The following SIPA1L3 variants were observed in gnomAD, a reference collection of about 807,000 sequenced individuals.
The protein encoded by SIPA1L3 is signal-induced proliferation-associated 1-like protein 3.
In SIPA1L3, 59 loss-of-function variants were observed where a neutral mutation model predicts 150.1. The ratio of observed to expected loss-of-function variants is 0.39; its 90% confidence interval spans 0.32 to 0.49. The LOEUF (loss-of-function observed/expected upper bound fraction) is 0.49. SIPA1L3 is among the 20% of genes least tolerant of loss of function. The pLI is 0.86. For synonymous variants in SIPA1L3, 1,070 were observed against 1,077.6 expected, an observed-to-expected ratio of 0.99 and a Z score of 0.14; for missense variants, 2,211 against 2,489.5, an observed-to-expected ratio of 0.89 and a Z score of 2.38.
At chr19:37,960,479 C>G (rs1207857683) in intron 1 of SIPA1L3, among the ~76,000 whole-genome samples, 1 of 151,384 alleles carries the variant, frequency 6.6e-6, no homozygotes, top group Non-Finnish European at 1.5e-5. Flanking sequence ...TCTTGGCTCA[C>G]TGCAAGCTCC....
chr19:38,101,098 A>G lies in SIPA1L3; in HGVS notation c.1901A>G (p.Gln634Arg). The G allele has an allele frequency of 1.2e-6, 2 of 1,602,294 alleles. No homozygotes were observed. The highest frequency in any genetic ancestry group is 1.7e-6 in the Non-Finnish European group (2 of 1,173,976). ...KVGILYCKAG[Q>R]SSEEEMYNNE... ...GGCATCCTCTATTGCAAGGCCGGCC[A>G]GAGCTCCGAGGAGGAGATGTACAAC... The change falls in exon 6 of 22, where the codon CAG (glutamine) becomes CGG (arginine). Residue 634 changes from glutamine (Q) to arginine (R), a missense_variant. Around this residue, in one of 5 missense-constraint regions of SIPA1L3, gnomAD observed 625 missense variants for 804.2 expected, o/e 0.78. Coordinates refer to ENST00000222345, the MANE Select transcript of SIPA1L3 (RefSeq NM_015073.3).
chr19:37,967,751 C>T (rs1470038052), intron 1 of SIPA1L3, among the ~76,000 whole-genome samples: 1 of 152,092 alleles, frequency 6.6e-6, no homozygotes, highest in Non-Finnish European at 1.5e-5. Flanking sequence ...GATAATTACC[C>T]ATGTACTAGG....
chr19:38,137,186 G>T (rs1971455069), intron 10 of SIPA1L3, among the ~76,000 whole-genome samples: 1 of 151,776 alleles, frequency 6.6e-6, no homozygotes, highest in African/African-American at 2.4e-5. Context: ...CTTCATTTTT[G>T]TTGTTGTTGT....
intron 1 of SIPA1L3, among the ~76,000 whole-genome samples, chr19:37,968,211 T>C (rs2046922968): frequency 6.6e-6 from 1 of 152,190 alleles, no homozygotes; most frequent in South Asian, 2.1e-4. Context: ...TAGCGGGGAT[T>C]ACAGGCACGC....
At chr19:37,976,104 TAAA>T (rs374630193) in intron 1 of SIPA1L3, among the ~76,000 whole-genome samples, 3 of 120,324 alleles carry the variant, frequency 2.5e-5, no homozygotes, top group East Asian at 5.0e-4. Context: ...GGCTCTGTCT[TAAA>T]AAAAAAAAAA....
intron 9 of SIPA1L3, among the ~76,000 whole-genome samples, chr19:38,128,995 G>C (rs1397408332): frequency 6.6e-6 from 1 of 152,226 alleles, no homozygotes; most frequent in African/African-American, 2.4e-5. Context: ...CTAGCCAGGG[G>C]ATGACTTCTC....
Position 38,130,823 on chromosome 19 carries a change from C to T in SIPA1L3, c.3143+51C>T, listed in dbSNP as rs777834228. ...GTGGTGGGTGGCAGCTCCCAGATCG[C>T]TGGCATGAGGCCTCCCTGGCACTGT... On this transcript the variant is annotated intron_variant, in intron 10 of 21. Coordinates refer to ENST00000222345, the MANE Select transcript of SIPA1L3 (RefSeq NM_015073.3). 1.9e-6 allele frequency: 3 copies of T among 1,554,392 alleles called. No homozygotes were observed. In the Admixed American group the frequency reaches 5.3e-5, roughly 28 times the overall value.
chr19:38,028,411 C>A (rs954176796), intron 1 of SIPA1L3, among the ~76,000 whole-genome samples: 12 of 152,142 alleles, frequency 7.9e-5, no homozygotes, highest in Admixed American at 7.2e-4. Context: ...CTGGAAGGCT[C>A]TTTCCCAGGT....
In SIPA1L3 at chr19:38,013,293, G is replaced by A. The variant is rs184533666; in HGVS notation, c.-378-15796G>A. On this transcript the variant is annotated intron_variant, in intron 1 of 21. Coordinates refer to ENST00000222345, the MANE Select transcript of SIPA1L3 (RefSeq NM_015073.3). ...TTTCAGCTCGTACCAGGTCCAAAAA[G>A]CAAAGAACGACCTGAAGGAGAAAAA... 9.7e-4 allele frequency among the ~76,000 whole-genome samples: 148 copies of A among 152,266 alleles called. 2 individuals carry two copies. The East Asian group carries it at 0.019, about 20-fold the overall frequency.
At chr19:38,123,795 G>T (rs1390257925) in intron 9 of SIPA1L3, among the ~76,000 whole-genome samples, 2 of 151,526 alleles carry the variant, frequency 1.3e-5, no homozygotes, top group African/African-American at 4.9e-5. Context: ...CTCCCAGACG[G>T]GGTGGCGGCC....
chr19:38,191,398 C>CA lies in SIPA1L3; in HGVS notation c.4431-733dup, dbSNP rs749460599. ...CTGGGCAACGGAGGAGGCTCTGTCT[C>CA]AAAAAAAAAAAAAACCAAAAAGCAA... On this transcript the variant is annotated intron_variant, in intron 16 of 21. Transcript: ENST00000222345. Among the ~76,000 whole-genome samples, 540 of 119,862 alleles carry CA rather than the reference C, an allele frequency of 4.5e-3. 4 individuals carry two copies. Among genetic ancestry groups the CA allele is most frequent in the Admixed American group, 7.4e-3 (84 of 11,406 alleles). 78.6% of individuals were successfully genotyped at this position (119,862 alleles called of 152,430 possible). A position where few individuals can be genotyped will look rare whatever the true frequency, so the allele number is the denominator to read the frequency against.
chr19:37,913,720 A>G (rs112144663), intron 1 of SIPA1L3, among the ~76,000 whole-genome samples: 1 of 142,158 alleles, frequency 7.0e-6, no homozygotes, highest in African/African-American at 2.6e-5. Flanking sequence ...TTTTTTTTTA[A>G]TTAAAAAAAA....
At chr19:38,138,534 T>C (rs1971488300) in intron 10 of SIPA1L3, among the ~76,000 whole-genome samples, 1 of 34,170 alleles carries the variant, frequency 2.9e-5, no homozygotes, top group African/African-American at 3.0e-4. Context: ...CTCTGTCCCT[T>C]GTTTACCTTT....
chr19:38,135,383 G>A (rs1452450473), intron 10 of SIPA1L3, among the ~76,000 whole-genome samples: 1 of 152,110 alleles, frequency 6.6e-6, no homozygotes, highest in Admixed American at 6.5e-5. Flanking sequence ...CCTGCCCGGA[G>A]CCACAGCCCA....
At chr19:38,032,113 T>A (rs1968666599) in intron 2 of SIPA1L3, among the ~76,000 whole-genome samples, 2 of 152,314 alleles carry the variant, frequency 1.3e-5, no homozygotes, top group South Asian at 4.1e-4. Context: ...TGATGGCAGT[T>A]TTTGTGTGCC....
chr19:38,012,171 C>T (rs1397543609), intron 1 of SIPA1L3, among the ~76,000 whole-genome samples: 3 of 151,574 alleles, frequency 2.0e-5, no homozygotes, highest in East Asian at 1.9e-4. Context: ...GCTGCAGCCT[C>T]GACCTTCCCG....
intron 8 of SIPA1L3, among the ~76,000 whole-genome samples, chr19:38,115,098 A>T (rs1307634791): frequency 1.3e-5 from 2 of 152,322 alleles, no homozygotes; most frequent in Non-Finnish European, 2.9e-5. Context: ...GCATCCAGGG[A>T]CTAGCCAGAG....
rs1270233173 is a variant in SIPA1L3, at chr19:38,164,318, A to G, written c.3781-161A>G. On this transcript the variant is annotated intron_variant, in intron 14 of 21. Coordinates refer to ENST00000222345, the MANE Select transcript of SIPA1L3 (RefSeq NM_015073.3). The surrounding 1 kb of genome is among the most constrained non-coding windows in gnomAD (Gnocchi z 4.1). ...AGATGTGGAAACTGAGGCTGAGGGA[A>G]GGTAAATCACTTGCCCAAGGTAACA... 6.6e-6 allele frequency among the ~76,000 whole-genome samples: 1 copy of G among 152,138 alleles called. No homozygotes were observed. The highest frequency in any genetic ancestry group is 1.5e-5 in the Non-Finnish European group (1 of 68,018).
intron 9 of SIPA1L3, among the ~76,000 whole-genome samples, chr19:38,128,725 C>T (rs2145914893): frequency 6.6e-6 from 1 of 152,136 alleles, no homozygotes; most frequent in South Asian, 2.1e-4. Context: ...GGTAAAACCC[C>T]ATCTCTACTA....
Sources: allele counts gnomAD v4.1 joint callset (sites outside exome capture counted in the v4.1 genomes callset), GRCh38; gene constraint gnomAD v4.1.1; regional missense constraint gnomAD v4.1.1; non-coding constraint Gnocchi (gnomAD v3.1); transcripts MANE v1.5; gene names NCBI Gene and HGNC (gene_info 2026-07-23, HGNC 2026-07-21).